Variants in CPA6 observed in about 807,000 individuals in gnomAD.
CPA6 encodes carboxypeptidase B.
In CPA6, 58 loss-of-function variants were observed where a neutral mutation model predicts 63.3. The observed-to-expected ratio is 0.92, with a 90% CI of 0.74 to 1.14. The LOEUF (loss-of-function observed/expected upper bound fraction) is 1.14. CPA6 is among the 50% of genes most tolerant of loss of function. The pLI is 0.00. For synonymous variants in CPA6, 185 were observed against 179.0 expected (o/e 1.03, Z -0.27); for missense variants, 565 against 526.6 (o/e 1.07, Z -0.71).
chr8:67,587,174 A>G (rs1388446890), intron 2 of CPA6, among the ~76,000 whole-genome samples: 5 of 152,214 alleles, frequency 3.3e-5, no homozygotes, highest in Admixed American at 6.5e-5. Flanking sequence ...GGGCCTTGAA[A>G]TATTCTGAGG....
intron 8 of CPA6, among the ~76,000 whole-genome samples, chr8:67,462,120 A>AT (rs1322376587): frequency 2.7e-4 from 40 of 150,572 alleles, no homozygotes; most frequent in South Asian, 6.3e-4. Flanking sequence ...CTAGCCATCT[A>AT]TTTTTTTTTC....
rs1231579907 is a variant in CPA6, at chr8:67,422,423, C to T, written c.*81G>A. On this transcript the variant is annotated 3_prime_UTR_variant, in exon 11 of 11. Coordinates refer to ENST00000297770, the MANE Select transcript of CPA6 (RefSeq NM_020361.5). ...ATGTTCACTCTAAGCAGCTGCCCTT[C>T]TCTTTGAAAACAATTTCTATCCAGG... The T allele has an allele frequency of 2.4e-6, 3 of 1,264,218 alleles. 1 individual carries two copies. Among genetic ancestry groups the T allele is most frequent in the South Asian group, 2.8e-5 (2 of 70,190 alleles). 78.3% of individuals were successfully genotyped at this position (1,264,218 alleles called of 1,614,324 possible).
intron 2 of CPA6, among the ~76,000 whole-genome samples, chr8:67,607,758 C>T (rs1441973964): frequency 2.0e-5 from 3 of 152,190 alleles, no homozygotes. Context: ...TTTCTTTCCA[C>T]ATTGTGATAT....
chr8:67,641,012 A>T (rs1815580451), intron 1 of CPA6, among the ~76,000 whole-genome samples: 1 of 151,682 alleles, frequency 6.6e-6, no homozygotes, highest in Non-Finnish European at 1.5e-5. Flanking sequence ...CGGGTCATGC[A>T]GTTGGCTGCC....
At chr8:67,656,835 A>G (rs993656935) in intron 1 of CPA6, among the ~76,000 whole-genome samples, 2 of 152,178 alleles carry the variant, frequency 1.3e-5, no homozygotes, top group African/African-American at 4.8e-5. Context: ...GTCCAGAAGA[A>G]CAGAGTGCTG....
chr8:67,512,010 A>C (rs976806796), intron 3 of CPA6, among the ~76,000 whole-genome samples: 1 of 152,214 alleles, frequency 6.6e-6, no homozygotes, highest in Non-Finnish European at 1.5e-5. Context: ...TTTTATGTAC[A>C]TAATCTTAGC....
chr8:67,469,515 A>G (rs1479088338), intron 8 of CPA6, among the ~76,000 whole-genome samples: 1 of 152,190 alleles, frequency 6.6e-6, no homozygotes, highest in African/African-American at 2.4e-5. Context: ...CTGAGGCAGG[A>G]GAAGCACTTG....
intron 1 of CPA6, among the ~76,000 whole-genome samples, chr8:67,741,292 C>T (rs935867135): frequency 2.0e-5 from 3 of 152,190 alleles, no homozygotes; most frequent in Admixed American, 2.0e-4. Flanking sequence ...GGAAGCCAGT[C>T]CTCTCTGCAT....
chr8:67,518,581 C>T (rs570329810), intron 2 of CPA6, among the ~76,000 whole-genome samples: 3 of 150,616 alleles, frequency 2.0e-5, no homozygotes, highest in Non-Finnish European at 4.4e-5. Context: ...ATCTCAGTTC[C>T]CTGCAATCTC....
At chr8:67,485,208 G>T (rs1295469361) in intron 6 of CPA6, among the ~76,000 whole-genome samples, 1 of 152,130 alleles carries the variant, frequency 6.6e-6, no homozygotes, top group Non-Finnish European at 1.5e-5. Context: ...TCACTTAATT[G>T]TCTAATTAGT....
intron 2 of CPA6, among the ~76,000 whole-genome samples, chr8:67,578,281 T>G (rs1385008384): frequency 6.6e-6 from 1 of 152,184 alleles, no homozygotes; most frequent in African/African-American, 2.4e-5. Flanking sequence ...AAATTACAAA[T>G]AATGCAGTAT....
intron 6 of CPA6, among the ~76,000 whole-genome samples, chr8:67,496,519 TTATATATATATATATATATATATATA>T (rs1163959938): frequency 1.2e-4 from 11 of 94,124 alleles, no homozygotes; most frequent in South Asian, 3.7e-4. Flanking sequence ...ACTATATAGT[TTATATATATATATATATATATATATA>T]TATATATATA....
At chr8:67,652,756 T>C (rs1389932289) in intron 1 of CPA6, among the ~76,000 whole-genome samples, 16 of 151,040 alleles carry the variant, frequency 1.1e-4, no homozygotes, top group African/African-American at 1.5e-4. Flanking sequence ...AGATCCCATT[T>C]GTCAATTTTG....
In CPA6 at chr8:67,475,881, C is replaced by T. The variant is rs200134141; in HGVS notation, c.838+7887G>A. ...TTTCTTTCTTTCTTTCTTTCTTTCTCCTTTCTTTCTTTCTTTCTTTCTTTC... is the reference window on the plus strand; with the variant it reads ...TTTCTTTCTTTCTTTCTTTCTTTCTTCTTTCTTTCTTTCTTTCTTTCTTTC... On this transcript the variant is annotated intron_variant, in intron 8 of 10. Transcript: ENST00000297770. Among the ~76,000 whole-genome samples, 247 of 42,816 alleles carry T rather than the reference C, an allele frequency of 5.8e-3. 2 individuals are homozygous for T. Among genetic ancestry groups the T allele is most frequent in the Middle Eastern group, 0.018 (2 of 110 alleles). 28.1% of individuals were successfully genotyped at this position (42,816 alleles called of 152,430 possible). A position where few individuals can be genotyped will look rare whatever the true frequency, so the allele number is the denominator to read the frequency against.
chr8:67,541,172 G>A (rs1341496908), intron 2 of CPA6, among the ~76,000 whole-genome samples: 6 of 152,100 alleles, frequency 3.9e-5, no homozygotes, highest in Non-Finnish European at 8.8e-5. Flanking sequence ...CCCTGGTGAT[G>A]TAGGCACCTG....
chr8:67,509,665 G>T, intron 4 of CPA6, 47 bp from the exon 5 acceptor site: 1 of 926,014 alleles, frequency 1.1e-6, no homozygotes, highest in Non-Finnish European at 1.7e-6. Context: ...TCAAAATAAT[G>T]GAGCTTTTAG....
intron 7 of CPA6, among the ~76,000 whole-genome samples, chr8:67,484,425 C>G (rs1487700478): frequency 6.6e-6 from 1 of 152,108 alleles, no homozygotes; most frequent in Non-Finnish European, 1.5e-5. Context: ...ATGGGCTGGA[C>G]TAGACTAGTG....
chr8:67,727,046 C>A, intron 1 of CPA6, among the ~76,000 whole-genome samples: 1 of 152,166 alleles, frequency 6.6e-6, no homozygotes, highest in East Asian at 1.9e-4. Context: ...TTTTAAAAAT[C>A]TTTTTGAGAA....
At position 67,434,097 on chromosome 8, in the gene CPA6, G is replaced by A; in HGVS notation, c.982C>T (p.Gln328Ter). 2 of 1,613,826 alleles carry A rather than the reference G, an allele frequency of 1.2e-6. No individual in the cohort carries two copies. Among genetic ancestry groups the A allele is most frequent in the Non-Finnish European group, 8.5e-7 (1 of 1,179,866 alleles). ...TAAGAATAGGGATACAGTAACATCTGAGCATATGCATGAAAGGAGAGATAA... is the reference window on the plus strand; with the variant it reads ...TAAGAATAGGGATACAGTAACATCTAAGCATATGCATGAAAGGAGAGATAA... ...RAYLSFHAYAQMLLYPYSYKY... is the reference protein window; with the variant it reads ...RAYLSFHAYA Residue 328 changes from glutamine to a stop codon, truncating the protein, a stop_gained, in exon 9 of 11, where the codon CAG (glutamine) becomes TAG (stop). Coordinates refer to ENST00000297770, the MANE Select transcript of CPA6 (RefSeq NM_020361.5). LOFTEE classifies it high-confidence loss of function.
Sources: allele counts gnomAD v4.1 joint callset (sites outside exome capture counted in the v4.1 genomes callset), GRCh38; gene constraint gnomAD v4.1.1; transcripts MANE v1.5; gene names NCBI Gene and HGNC (gene_info 2026-07-23, HGNC 2026-07-21).